The following PRPF38B variants were observed in gnomAD, a reference collection of about 807,000 sequenced individuals.
PRPF38B encodes pre-mRNA processing factor 38B.
PRPF38B carries 18 observed loss-of-function variants against 67.2 expected under a neutral mutation model. The ratio of observed to expected loss-of-function variants is 0.27; its 90% confidence interval spans 0.19 to 0.40. The LOEUF is 0.40. Ranked by LOEUF, PRPF38B falls within the 10% of genes least tolerant of loss-of-function variation. The probability of loss-of-function intolerance (pLI) is 1.00; values close to 1 mark genes in which losing one functional copy is unlikely to be tolerated. For synonymous variants in PRPF38B, 246 were observed against 234.2 expected (o/e 1.05, Z -0.46); for missense variants, 544 against 684.9 (o/e 0.79, Z 2.30).
In PRPF38B at chr1:108,702,639, G is replaced by C. The variant is rs1214848534; in HGVS notation, c.*2619G>C. Among the ~76,000 whole-genome samples the C allele has an allele frequency of 1.3e-5, 2 of 152,082 alleles. No homozygotes were observed. The highest frequency in any genetic ancestry group is 1.9e-4 in the East Asian group (1 of 5,198). ...ACATCACACGCCGGGGCCTGTTGTG[G>C]GGTGGGGGACTAGGGGAGGGATAAT... is the stretch of plus-strand genomic sequence containing the variant. On this transcript the variant is annotated 3_prime_UTR_variant, in exon 6 of 6. Coordinates refer to ENST00000370025, the MANE Select transcript of PRPF38B (RefSeq NM_018061.4).
At position 108,700,144 on chromosome 1, in the gene PRPF38B, T is replaced by C; in HGVS notation, c.*124T>C. The stretch of plus-strand genomic sequence containing the variant: ...CTCTCCCTGTAGGCTGCATTTTCAT[T>C]TCCTCTTTCGTGTAGGGAAGTGCCT... On this transcript the variant is annotated 3_prime_UTR_variant, in exon 6 of 6. Transcript: ENST00000370025. 2 of 1,411,656 alleles carry C rather than the reference T, an allele frequency of 1.4e-6. No homozygotes were observed. Among genetic ancestry groups the C allele is most frequent in the Non-Finnish European group, 1.9e-6 (2 of 1,075,246 alleles). The allele number at this position is 1,411,656 out of a possible 1,614,324, so 87.4% of individuals were successfully genotyped here. A position where few individuals can be genotyped will look rare whatever the true frequency, so the allele number is the denominator to read the frequency against.
chr1:108,692,844 G>T lies in PRPF38B; in HGVS notation c.253G>T (p.Val85Leu). 1 of 1,614,222 alleles carries T rather than the reference G, an allele frequency of 6.2e-7. No individual in the cohort carries two copies. The highest frequency in any genetic ancestry group is 8.5e-7 in the Non-Finnish European group (1 of 1,180,032). ...QLYELKTYHE[V>L]VDEIYFKVTH... ...CTACGAGCTCAAGACCTACCACGAG[G>T]TGGTGGACGAGATCTACTTTAAGGT... The change falls in exon 1 of 6, where the codon GTG (valine) becomes TTG (leucine). Residue 85 changes from valine to leucine, a missense_variant. Val to Leu is a conservative substitution (Grantham distance 32). Coordinates refer to ENST00000370025, the MANE Select transcript of PRPF38B (RefSeq NM_018061.4).
In PRPF38B at chr1:108,692,433, C is replaced by A; in HGVS notation, c.-159C>A. On this transcript the variant is annotated 5_prime_UTR_variant, in exon 1 of 6. Coordinates refer to ENST00000370025, the MANE Select transcript of PRPF38B (RefSeq NM_018061.4). ...TCTTGGCCCGGGGTCATTTTGTCGG[C>A]GTCGGGTGCCCTCTCTTGCCCAGCT... 1.2e-6 allele frequency: 1 copy of A among 812,746 alleles called. No homozygotes were observed. The highest frequency in any genetic ancestry group is 1.9e-6 in the Non-Finnish European group (1 of 535,810). The allele number at this position is 812,746 out of a possible 1,614,324, so 50.3% of individuals were successfully genotyped here.
At position 108,699,666 on chromosome 1, in the gene PRPF38B, A is replaced by G. The variant is rs1557771556; in HGVS notation, c.1287A>G (p.Arg429=). The part of the protein sequence containing the change: ...SKKEKKHSRS[R]SRERKHRSRS... ...AAGAGAAAAAACACAGTAGAAGCAG[A>G]AGCAGAGAAAGGAAACACAGAAGTA... Residue 429 remains arginine (R), a synonymous_variant, in exon 6 of 6, where the codon AGA becomes AGG. Transcript: ENST00000370025. The G allele has an allele frequency of 6.3e-7, 1 of 1,582,336 alleles. No homozygotes were observed.
At position 108,692,601 on chromosome 1, in the gene PRPF38B, A is replaced by G. The variant is rs1659423296; in HGVS notation, c.10A>G (p.Asn4Asp). 6.3e-7 allele frequency: 1 copy of G among 1,589,236 alleles called. No individual in the cohort carries two copies. The change falls in exon 1 of 6, where the codon AAC becomes GAC. Residue 4 changes from asparagine to aspartate, a missense_variant. Physicochemically the swap from Asn to Asp is conservative, Grantham distance 23. Coordinates refer to ENST00000370025, the MANE Select transcript of PRPF38B (RefSeq NM_018061.4). MANNSPALTGNSQP... is the reference protein window; with the variant it reads MANDSPALTGNSQP... Reference sequence around the variant, plus strand: ...TTCCTTCCGCCGCAACATGGCTAACAACAGCCCCGCGCTGACAGGCAACTC... The same window carrying G: ...TTCCTTCCGCCGCAACATGGCTAACGACAGCCCCGCGCTGACAGGCAACTC...
Position 108,692,638 on chromosome 1 carries a change from A to C in PRPF38B, c.47A>C (p.His16Pro). The C allele has an allele frequency of 6.2e-7, 1 of 1,605,666 alleles. No homozygotes were observed. Among genetic ancestry groups the C allele is most frequent in the Non-Finnish European group, 8.5e-7 (1 of 1,176,690 alleles). ...CTGACAGGCAACTCGCAGCCGCAGC[A>C]CCAGGCGGCTGCAGCTGCGGCTCAG... ...PALTGNSQPQHQAAAAAAQQQ... is the reference protein window; with the variant it reads ...PALTGNSQPQPQAAAAAAQQQ... Residue 16 changes from histidine (H) to proline (P), a missense_variant, in exon 1 of 6, where the codon CAC becomes CCC. Around this residue, in one of 5 missense-constraint regions of PRPF38B, gnomAD observed 70 missense variants for 58.4 expected, o/e 1.20. Coordinates refer to ENST00000370025, the MANE Select transcript of PRPF38B (RefSeq NM_018061.4).
chr1:108,693,038 CCT>C (rs1181402564), intron 1 of PRPF38B, among the ~76,000 whole-genome samples, 171 bp downstream of exon 1: 1 of 152,098 alleles, frequency 6.6e-6, no homozygotes, highest in Non-Finnish European at 1.5e-5. Flanking sequence ...CTGGGGCCGC[CCT>C]CTCGTTTCCA....
In PRPF38B at chr1:108,699,524, G is replaced by A. The variant is rs1236042913; in HGVS notation, c.1145G>A (p.Arg382Lys). ...AGAGGAAATGAACGAGAAAAAGAGAGAGAGCGATCAAGAGAAAGGTCCAAG... is the reference window on the plus strand; with the variant it reads ...AGAGGAAATGAACGAGAAAAAGAGAAAGAGCGATCAAGAGAAAGGTCCAAG... ...KERGNEREKE[R>K]ERSRERSKEQ... The change falls in exon 6 of 6, where the codon AGA becomes AAA. Residue 382 changes from arginine (R) to lysine (K), a missense_variant. Coordinates refer to ENST00000370025, the MANE Select transcript of PRPF38B (RefSeq NM_018061.4). The A allele has an allele frequency of 1.3e-6, 2 of 1,561,682 alleles. No individual in the cohort carries two copies. The highest frequency in any genetic ancestry group is 1.2e-5 in the South Asian group (1 of 85,564).
Position 108,692,623 on chromosome 1 carries a change from A to C in PRPF38B, c.32A>C (p.Asn11Thr), listed in dbSNP as rs781420765. The C allele has an allele frequency of 6.2e-7, 1 of 1,606,602 alleles. No homozygotes were observed. ...AACAACAGCCCCGCGCTGACAGGCA[A>C]CTCGCAGCCGCAGCACCAGGCGGCT... The part of the protein sequence containing the change: MANNSPALTG[N>T]SQPQHQAAAA... The change falls in exon 1 of 6, where the codon AAC (asparagine) becomes ACC (threonine). Residue 11 changes from asparagine (N) to threonine (T), a missense_variant. Coordinates refer to ENST00000370025, the MANE Select transcript of PRPF38B (RefSeq NM_018061.4).
Position 108,699,944 on chromosome 1 carries a change from A to G in PRPF38B, c.1565A>G (p.His522Arg), listed in dbSNP as rs1405795363. The part of the protein sequence containing the change: ...HSDSKDQSDK[H>R]DRRRSQSIEQ... ...GATAGTAAGGACCAGTCAGACAAAC[A>G]TGATCGTCGAAGGAGCCAAAGTATA... The change falls in exon 6 of 6, where the codon CAT becomes CGT. Residue 522 changes from histidine to arginine, a missense_variant. His to Arg is a conservative substitution (Grantham distance 29). Coordinates refer to ENST00000370025, the MANE Select transcript of PRPF38B (RefSeq NM_018061.4). 5 of 1,613,738 alleles carry G rather than the reference A, an allele frequency of 3.1e-6. No individual in the cohort carries two copies. The highest frequency in any genetic ancestry group is 2.2e-5 in the East Asian group (1 of 44,880).
intron 4 of PRPF38B, chr1:108,698,322 C>T (rs912951796): frequency 6.6e-6 from 2 of 300,798 alleles, no homozygotes; most frequent in Admixed American, 4.6e-5. Context: ...TTAAGTCAAT[C>T]GTTCCGCATA....
intron 2 of PRPF38B, 93 bp from the exon 3 acceptor site, chr1:108,695,950 T>C: frequency 7.0e-7 from 1 of 1,420,196 alleles, no homozygotes; most frequent in Non-Finnish European, 9.7e-7. Flanking sequence ...TTCTGGATTA[T>C]GGATTGTTAT....
Position 108,702,778 on chromosome 1 carries a change from G to A in PRPF38B, c.*2758G>A, listed in dbSNP as rs1660640487. On this transcript the variant is annotated 3_prime_UTR_variant, in exon 6 of 6. Coordinates refer to ENST00000370025, the MANE Select transcript of PRPF38B (RefSeq NM_018061.4). ...TTCTGCACATGTATCTGAACTTAAA[G>A]TATAATTTAAAAAAATTTTTAATAC... 6.6e-6 allele frequency among the ~76,000 whole-genome samples: 1 copy of A among 152,104 alleles called. No homozygotes were observed. Among genetic ancestry groups the A allele is most frequent in the Admixed American group, 6.5e-5 (1 of 15,274 alleles).
chr1:108,692,556 C>G lies in PRPF38B; in HGVS notation c.-36C>G, dbSNP rs747261446. The G allele has an allele frequency of 1.3e-6, 2 of 1,498,944 alleles. No homozygotes were observed. The highest frequency in any genetic ancestry group is 2.5e-5 in the East Asian group (1 of 40,558). The allele number at this position is 1,498,944 out of a possible 1,614,324, so 92.9% of individuals were successfully genotyped here. On this transcript the variant is annotated 5_prime_UTR_variant, in exon 1 of 6. Transcript: ENST00000370025. ...GCGAGATCGAGCTTGGCCCCCTCCC[C>G]CCCCTCCTTCCCTCCCTCCTTCCTT...
rs1284714390 is a variant in PRPF38B, at chr1:108,692,639, CCAGGCGGCTGCAGCTGCGGCTCAGCAA to C, written c.52_78del (p.Ala18_Gln26del). Reference sequence around the variant, plus strand: ...TGACAGGCAACTCGCAGCCGCAGCACCAGGCGGCTGCAGCTGCGGCTCAGCAACAGCAGCAGTGCGGCGGCGGCGGCG... The same window carrying C: ...TGACAGGCAACTCGCAGCCGCAGCACCAGCAGCAGTGCGGCGGCGGCGGCG... On this transcript the variant is annotated inframe_deletion, in exon 1 of 6. Coordinates refer to ENST00000370025, the MANE Select transcript of PRPF38B (RefSeq NM_018061.4). The C allele has an allele frequency of 6.2e-7, 1 of 1,610,276 alleles. No individual in the cohort carries two copies. Among genetic ancestry groups the C allele is most frequent in the Non-Finnish European group, 8.5e-7 (1 of 1,178,728 alleles).
chr1:108,696,249 G>T (rs769023761), intron 3 of PRPF38B, 28 bp from the exon 4 acceptor site: 7 of 1,611,034 alleles, frequency 4.3e-6, no homozygotes, highest in Non-Finnish European at 5.9e-6. Context: ...ATTCACATGT[G>T]TTTAATAATA....
chr1:108,696,173 C>T lies in PRPF38B; in HGVS notation c.476C>T (p.Ala159Val). The change falls in exon 3 of 6, where the codon GCG becomes GTG. Residue 159 changes from alanine (A) to valine (V), a missense_variant. Transcript: ENST00000370025. ...CACACAGACTCTCCATATATTAGAG[C>T]GCTTGGATTTATGTATATAAGGTGA... ...ITHTDSPYIR[A>V]LGFMYIRYTQ... is the part of the protein sequence containing the mutation. 6.2e-7 allele frequency: 1 copy of T among 1,613,720 alleles called. No homozygotes were observed. The highest frequency in any genetic ancestry group is 8.5e-7 in the Non-Finnish European group (1 of 1,179,792).
In PRPF38B at chr1:108,692,636, G is replaced by A. The variant is rs948998806; in HGVS notation, c.45G>A (p.Gln15=). Residue 15 remains glutamine, a synonymous_variant, in exon 1 of 6, where the codon CAG becomes CAA. Transcript: ENST00000370025. ...CGCTGACAGGCAACTCGCAGCCGCA[G>A]CACCAGGCGGCTGCAGCTGCGGCTC... ...SPALTGNSQP[Q]HQAAAAAAQQ... is the part of the protein sequence containing the mutation. 6.2e-7 allele frequency: 1 copy of A among 1,605,130 alleles called. No homozygotes were observed. The highest frequency in any genetic ancestry group is 8.5e-7 in the Non-Finnish European group (1 of 1,176,194).
At position 108,692,550 on chromosome 1, in the gene PRPF38B, C is replaced by T; in HGVS notation, c.-42C>T. 2 of 1,457,456 alleles carry T rather than the reference C, an allele frequency of 1.4e-6. No individual in the cohort carries two copies. Among genetic ancestry groups the T allele is most frequent in the Non-Finnish European group, 1.8e-6 (2 of 1,087,314 alleles). 90.3% of individuals were successfully genotyped at this position (1,457,456 alleles called of 1,614,324 possible). ...CGAAGAGCGAGATCGAGCTTGGCCCCCTCCCCCCCCTCCTTCCCTCCCTCC... is the reference window on the plus strand; with the variant it reads ...CGAAGAGCGAGATCGAGCTTGGCCCTCTCCCCCCCCTCCTTCCCTCCCTCC... On this transcript the variant is annotated 5_prime_UTR_variant, in exon 1 of 6. Coordinates refer to ENST00000370025, the MANE Select transcript of PRPF38B (RefSeq NM_018061.4).
Sources: allele counts gnomAD v4.1 joint callset (sites outside exome capture counted in the v4.1 genomes callset), GRCh38; gene constraint gnomAD v4.1.1; regional missense constraint gnomAD v4.1.1; transcripts MANE v1.5; gene names NCBI Gene and HGNC (gene_info 2026-07-23, HGNC 2026-07-21).